Variants in LONRF1 observed in about 807,000 individuals in gnomAD.
LONRF1 encodes LON peptidase N-terminal domain and ring finger 1, also known as LON peptidase N-terminal domain and RING finger protein 1.
In LONRF1, 37 loss-of-function variants were observed where a neutral mutation model predicts 85.8. The ratio of observed to expected loss-of-function variants is 0.43; its 90% confidence interval spans 0.33 to 0.57. The LOEUF is 0.57. Among genes scored for constraint, LONRF1 ranks in the 20% least tolerant of loss-of-function variants. The probability of loss-of-function intolerance (pLI) is 0.04; values close to 1 mark genes in which losing one functional copy is unlikely to be tolerated. For missense variants in LONRF1, 1,036 were observed against 978.0 expected (o/e 1.06, Z -0.79); for synonymous variants, 517 against 390.1 (o/e 1.33, Z -3.83).
intron 1 of LONRF1, among the ~76,000 whole-genome samples, chr8:12,745,047 C>T (rs1011025855): frequency 2.0e-5 from 3 of 151,874 alleles, no homozygotes; most frequent in Non-Finnish European, 4.4e-5. Flanking sequence ...TCAGAAGACC[C>T]GTCTTTGAAA....
chr8:12,754,092 C>T (rs1799526217), intron 1 of LONRF1: 2 of 152,086 alleles, frequency 1.3e-5, no homozygotes, highest in African/African-American at 4.8e-5. Context: ...GGCGCCCGCG[C>T]GGAGCTCCCG....
At chr8:12,726,090 T>C (rs1186726881) in intron 10 of LONRF1, 1 of 442,452 alleles carries the variant, frequency 2.3e-6, no homozygotes. Context: ...AGGCCTGACC[T>C]ATGCCTAACC....
intron 4 of LONRF1, chr8:12,737,506 G>C (rs1798766722): frequency 2.5e-5 from 9 of 366,324 alleles, no homozygotes; most frequent in South Asian, 1.8e-4. Context: ...GATGATTTAA[G>C]TATACAGGAG....
chr8:12,732,510 C>T (rs1379893129), intron 7 of LONRF1, among the ~76,000 whole-genome samples: 1 of 152,124 alleles, frequency 6.6e-6, no homozygotes, highest in Non-Finnish European at 1.5e-5. Context: ...TGCGCTGACC[C>T]CTAAATACTC....
intron 1 of LONRF1, chr8:12,753,716 A>G (rs1799505815): frequency 1.3e-5 from 2 of 152,218 alleles, no homozygotes; most frequent in South Asian, 4.1e-4. Context: ...GAGAAGCTTG[A>G]AACTGCCCCC....
chr8:12,729,342 A>T lies in LONRF1; in HGVS notation c.1689-10T>A. Reference sequence around the variant, plus strand: ...AACATTCTTGGTCAAGCTAAGGGAAAAACAGTTTAATTATTAGAATTCATA... The same window carrying T: ...AACATTCTTGGTCAAGCTAAGGGAATAACAGTTTAATTATTAGAATTCATA... On this transcript the variant is annotated splice_polypyrimidine_tract_variant and intron_variant, in intron 8 of 11. Coordinates refer to ENST00000398246, the MANE Select transcript of LONRF1 (RefSeq NM_152271.5). 1 of 1,611,832 alleles carries T rather than the reference A, an allele frequency of 6.2e-7. No individual in the cohort carries two copies. The highest frequency in any genetic ancestry group is 8.5e-7 in the Non-Finnish European group (1 of 1,178,956).
At chr8:12,746,867 T>C (rs1356428656) in intron 1 of LONRF1, among the ~76,000 whole-genome samples, 2 of 152,216 alleles carry the variant, frequency 1.3e-5, no homozygotes, top group African/African-American at 2.4e-5. Flanking sequence ...TAACAGTCTC[T>C]ACCCCAAGGC....
rs1274109474 is a variant in LONRF1, at chr8:12,725,867, C to A, written c.2023G>T (p.Asp675Tyr). The change falls in exon 11 of 12, where the codon GAT becomes TAT. Residue 675 changes from aspartate (D) to tyrosine (Y), a missense_variant. Asp to Tyr is a radical substitution (Grantham distance 160). Transcript: ENST00000398246. Reference protein sequence around the residue: ...YLEDVKVENEDEIKNLRELHD... With the variant: ...YLEDVKVENEYEIKNLRELHD... ...AGCTCTCTGAGATTCTTAATCTCATCTTCATTCTCAACCTAGAAATACAAT... is the reference window on the plus strand; with the variant it reads ...AGCTCTCTGAGATTCTTAATCTCATATTCATTCTCAACCTAGAAATACAAT... 1 of 1,609,376 alleles carries A rather than the reference C, an allele frequency of 6.2e-7. No individual in the cohort carries two copies. The highest frequency in any genetic ancestry group is 8.5e-7 in the Non-Finnish European group (1 of 1,177,236).
At chr8:12,743,375 G>A in intron 1 of LONRF1, 93 bp from the exon 2 acceptor site, 2 of 819,532 alleles carry the variant, frequency 2.4e-6, no homozygotes, top group South Asian at 3.5e-5. Flanking sequence ...AAATGACTTA[G>A]TGATTCCAGG....
intron 8 of LONRF1, 99 bp from the exon 9 acceptor site, chr8:12,729,431 G>A (rs1798444066): frequency 4.2e-6 from 5 of 1,191,486 alleles, no homozygotes; most frequent in Middle Eastern, 2.0e-4. Flanking sequence ...ATGAACTAAT[G>A]TAAAGCAAAA....
intron 2 of LONRF1, among the ~76,000 whole-genome samples, chr8:12,741,609 A>C (rs1224285006): frequency 2.0e-5 from 3 of 152,308 alleles, no homozygotes; most frequent in Admixed American, 2.0e-4. Context: ...TTATTGATTT[A>C]ATTTGAGGGA....
At position 12,722,540 on chromosome 8, in the gene LONRF1, G is replaced by A. The variant is rs7005881; in HGVS notation, c.*556C>T. On this transcript the variant is annotated 3_prime_UTR_variant, in exon 12 of 12. Coordinates refer to ENST00000398246, the MANE Select transcript of LONRF1 (RefSeq NM_152271.5). ...GTCAAGACAGTTCAGCAAGAGCAGT[G>A]TTTCCAACAAAGAATGATCCTCAAC... The A allele has an allele frequency of 0.99, 151,086 of 152,894 alleles. 74,668 individuals carry two copies. Among genetic ancestry groups the A allele is most frequent in the East Asian group, 1 (5,186 of 5,186 alleles). The allele number at this position is 152,894 out of a possible 1,614,324, so 9.5% of individuals were successfully genotyped here.
At chr8:12,753,586 G>C (rs947579368) in intron 1 of LONRF1, 6 of 152,222 alleles carry the variant, frequency 3.9e-5, no homozygotes, top group African/African-American at 7.2e-5. Context: ...CCCCACAAGA[G>C]GTGGCAACCA....
chr8:12,727,652 A>G (rs6530953), intron 10 of LONRF1, among the ~76,000 whole-genome samples: 1 of 152,222 alleles, frequency 6.6e-6, no homozygotes, highest in African/African-American at 2.4e-5. Context: ...AAATCCAATA[A>G]GTGAAGACAT....
chr8:12,737,853 T>A (rs1284188043), intron 4 of LONRF1, 142 bp downstream of exon 4: 3 of 740,808 alleles, frequency 4.0e-6, no homozygotes, highest in Non-Finnish European at 6.2e-6. Context: ...AAGTAAAGGC[T>A]ATGGAAAAAA....
chr8:12,743,141 C>A, intron 2 of LONRF1, 23 bp downstream of exon 2: 1 of 1,432,674 alleles, frequency 7.0e-7, no homozygotes, highest in Non-Finnish European at 9.8e-7. Flanking sequence ...ACAATTTATG[C>A]AAACATAAAA....
In LONRF1 at chr8:12,729,325, T is replaced by C. The variant is rs1458083279; in HGVS notation, c.1696A>G (p.Lys566Glu). Reference protein sequence around the residue: ...EETAELSHLTKNVPIFVCTMA... With the variant: ...EETAELSHLTENVPIFVCTMA... ...GTGCAAACAAATATTGGAACATTCT[T>C]GGTCAAGCTAAGGGAAAAACAGTTT... is the stretch of plus-strand genomic sequence containing the variant. Residue 566 changes from lysine to glutamate, a missense_variant, in exon 9 of 12, where the codon AAG (lysine) becomes GAG (glutamate). This residue lies in a region of LONRF1 where 265 missense variants were observed against 301.5 expected (regional missense o/e 0.88). Transcript: ENST00000398246. The C allele has an allele frequency of 6.2e-7, 1 of 1,613,198 alleles. No individual in the cohort carries two copies. The highest frequency in any genetic ancestry group is 1.3e-5 in the African/African-American group (1 of 74,912).
Position 12,755,039 on chromosome 8 carries a change from C to A in LONRF1, c.382G>T (p.Gly128Cys). Residue 128 changes from glycine (G) to cysteine (C), a missense_variant, in exon 1 of 12, where the codon GGC (glycine) becomes TGC (cysteine). By Grantham distance (159) the Gly-to-Cys change is radical. Coordinates refer to ENST00000398246, the MANE Select transcript of LONRF1 (RefSeq NM_152271.5). ...GGLLRCLGCR[G>C]FLSEPVTVPC... ...ACGGTCACCGGCTCGCTCAGGAAGCCCCGGCAGCCCAGGCATCTGAGGAGC... is the reference window on the plus strand; with the variant it reads ...ACGGTCACCGGCTCGCTCAGGAAGCACCGGCAGCCCAGGCATCTGAGGAGC... 6.7e-7 allele frequency: 1 copy of A among 1,490,738 alleles called. No homozygotes were observed. Among genetic ancestry groups the A allele is most frequent in the Non-Finnish European group, 8.9e-7 (1 of 1,127,080 alleles). 92.3% of individuals were successfully genotyped at this position (1,490,738 alleles called of 1,614,324 possible).
rs58497791 is a variant in LONRF1 at position 12,722,976 on chromosome 8, G to A, written c.*120C>T. On this transcript the variant is annotated 3_prime_UTR_variant, in exon 12 of 12. Transcript: ENST00000398246. ...GAACCACATGATTCAGGAGGTCGAA[G>A]GAAAAAGAAAAGTTTCATTAAATTT... is the stretch of plus-strand genomic sequence containing the variant. 2.5e-4 allele frequency: 252 copies of A among 995,018 alleles called. 1 individual carries two copies. The African/African-American group carries it at 3.8e-3, about 15-fold the overall frequency. 61.6% of individuals were successfully genotyped at this position (995,018 alleles called of 1,614,324 possible). A position where few individuals can be genotyped will look rare whatever the true frequency, so the allele number is the denominator to read the frequency against.
Sources: gnomAD v4.1 joint callset for allele counts (sites outside exome capture counted in the v4.1 genomes callset) on GRCh38, gnomAD v4.1.1 for gene constraint, gnomAD v4.1.1 regional missense constraint, MANE v1.5 for transcripts, NCBI Gene and HGNC (gene_info 2026-07-23, HGNC 2026-07-21) for gene names.